SEC16A: variants seen among roughly 807,000 people sequenced by gnomAD.
The protein encoded by SEC16A is protein transport protein Sec16A.
In SEC16A, 110 loss-of-function variants were observed where a neutral mutation model predicts 221.9. That is an observed-to-expected ratio of 0.50 (90% CI 0.42 to 0.58). The LOEUF is 0.58. Among genes scored for constraint, SEC16A ranks in the 20% least tolerant of loss-of-function variants. SEC16A has a pLI of 0.00. For missense variants in SEC16A, 3,165 were observed against 3,097.8 expected, an observed-to-expected ratio of 1.02 and a Z score of -0.52; for synonymous variants, 1,393 against 1,257.7, an observed-to-expected ratio of 1.11 and a Z score of -2.28.
chr9:136,462,833 G>C (rs1839675619), intron 12 of SEC16A, 54 bp downstream of exon 12: 5 of 1,576,950 alleles, frequency 3.2e-6, no homozygotes, highest in Non-Finnish European at 4.3e-6. Context: ...CCCCGCACCA[G>C]GCCCGACCCA....
Position 136,474,459 on chromosome 9 carries a change from C to T in SEC16A, c.3157G>A (p.Gly1053Ser). The change falls in exon 3 of 32, where the codon GGC becomes AGC. Residue 1053 changes from glycine (G) to serine (S), a missense_variant. Coordinates refer to ENST00000684901, the MANE Select transcript of SEC16A (RefSeq NM_014866.2). ...QVTKDAQGQP[G>S]LERAQQELVP... ...AGCTCCTGCTGGGCTCTTTCGAGGC[C>T]AGGCTGGCCCTGGGCATCTTTCGTG... The T allele has an allele frequency of 6.2e-7, 1 of 1,613,072 alleles. No individual in the cohort carries two copies. The highest frequency in any genetic ancestry group is 8.5e-7 in the Non-Finnish European group (1 of 1,179,890).
intron 23 of SEC16A, among the ~76,000 whole-genome samples, chr9:136,450,517 C>G (rs968357446): frequency 2.6e-5 from 4 of 152,052 alleles, no homozygotes; most frequent in African/African-American, 9.7e-5. Flanking sequence ...TGAACAAGCA[C>G]TGCCCCAAAA....
intron 23 of SEC16A, among the ~76,000 whole-genome samples, chr9:136,450,332 G>C (rs1355128547): frequency 6.6e-6 from 1 of 152,230 alleles, no homozygotes; most frequent in East Asian, 1.9e-4. Flanking sequence ...AAGGACTCCT[G>C]CAAGTCCTGA....
Position 136,457,584 on chromosome 9 carries a change from C to T in SEC16A, c.5410G>A (p.Val1804Met). ...CGGCAGGAGTAGATGAACTTAAACA[C>T]CTGAAACGACAGAAGCCTTGCTGCC... ...AETCPLPSFQ[V>M]FKFIYSCRLA... The change falls in exon 18 of 32, where the codon GTG (valine) becomes ATG (methionine). Residue 1804 changes from valine to methionine, a missense_variant and splice_region_variant. Around this residue, in one of 3 missense-constraint regions of SEC16A, gnomAD observed 1,088 missense variants for 1,089.6 expected, o/e 1.00. Coordinates refer to ENST00000684901, the MANE Select transcript of SEC16A (RefSeq NM_014866.2). 6.2e-7 allele frequency: 1 copy of T among 1,607,962 alleles called. No homozygotes were observed.
rs778025630 is a variant in SEC16A at position 136,453,530 on chromosome 9, C to CA, written c.6077-21dup. On this transcript the variant is annotated intron_variant, in intron 21 of 31. Coordinates refer to ENST00000684901, the MANE Select transcript of SEC16A (RefSeq NM_014866.2). ...CTATCCCTGTCAACGGGAAAGAGAG[C>CA]AACTATGATCTCAGTCACGAGAAGG... The CA allele has an allele frequency of 3.1e-6, 5 of 1,595,186 alleles. No individual in the cohort carries two copies. The highest frequency in any genetic ancestry group is 1.7e-4 in the Middle Eastern group (1 of 6,024).
upstream of SEC16A, among the ~76,000 whole-genome samples, chr9:136,483,214 C>T (rs566934758): frequency 6.3e-3 from 845 of 135,028 alleles, 9 homozygotes; most frequent in African/African-American, 0.022. Context: ...CCCGCCTCAT[C>T]CCTCTGTCCC....
intron 1 of SEC16A, among the ~76,000 whole-genome samples, chr9:136,479,690 C>T (rs753809690): frequency 2.0e-5 from 3 of 152,096 alleles, no homozygotes; most frequent in Admixed American, 2.0e-4. Context: ...ATTTTGGTCT[C>T]TTGGAAATCT....
chr9:136,450,459 G>C lies in SEC16A; in HGVS notation c.6312+797C>G, dbSNP rs369588646. 3.2e-4 allele frequency among the ~76,000 whole-genome samples: 49 copies of C among 151,690 alleles called. No homozygotes were observed. The East Asian group carries it at 8.5e-3, about 26-fold the overall frequency. ...GAGTTTGAGACCAGCCTGGGCAATA[G>C]TGAGACCCCATCTTTATGGGGGAAA... On this transcript the variant is annotated intron_variant, in intron 23 of 31. Coordinates refer to ENST00000684901, the MANE Select transcript of SEC16A (RefSeq NM_014866.2).
Position 136,466,868 on chromosome 9 carries a change from CTT to C in SEC16A, c.3929+87_3929+88del. Reference sequence around the variant, plus strand: ...GATGCTCACCCAAACTACCACAGCTCTTTGTTAAAACCCAGACATGAGGGCAG... The same window carrying C: ...GATGCTCACCCAAACTACCACAGCTCTGTTAAAACCCAGACATGAGGGCAG... On this transcript the variant is annotated intron_variant, in intron 6 of 31. Coordinates refer to ENST00000684901, the MANE Select transcript of SEC16A (RefSeq NM_014866.2). This position sits in a 1 kb window ranked among gnomAD's most constrained non-coding sequence, Gnocchi z 5.5. The C allele has an allele frequency of 6.8e-7, 1 of 1,463,082 alleles. No homozygotes were observed. The highest frequency in any genetic ancestry group is 9.1e-7 in the Non-Finnish European group (1 of 1,094,608). The allele number at this position is 1,463,082 out of a possible 1,614,324, so 90.6% of individuals were successfully genotyped here.
At chr9:136,471,871 C>A in intron 4 of SEC16A, 104 bp downstream of exon 4, 1 of 1,346,738 alleles carries the variant, frequency 7.4e-7, no homozygotes, top group Non-Finnish European at 1.0e-6. Context: ...TACAATTCTT[C>A]AGAAATACAG....
intron 3 of SEC16A, among the ~76,000 whole-genome samples, chr9:136,473,477 C>T (rs1268892240): frequency 6.6e-6 from 1 of 152,250 alleles, no homozygotes; most frequent in Non-Finnish European, 1.5e-5. Flanking sequence ...GAAGAATCTT[C>T]TGCACGAGCA....
Position 136,466,903 on chromosome 9 carries a change from C to A in SEC16A, c.3929+54G>T. The stretch of plus-strand genomic sequence containing the variant: ...ACCCAGACATGAGGGCAGAGAAGCA[C>A]TAGCGCGCCCTGGCTGCCCCCAGCC... On this transcript the variant is annotated intron_variant, in intron 6 of 31. Coordinates refer to ENST00000684901, the MANE Select transcript of SEC16A (RefSeq NM_014866.2). This position sits in a 1 kb window ranked among gnomAD's most constrained non-coding sequence, Gnocchi z 5.5. 1 of 1,572,606 alleles carries A rather than the reference C, an allele frequency of 6.4e-7. No individual in the cohort carries two copies.
intron 13 of SEC16A, 78 bp from the exon 14 acceptor site, chr9:136,460,201 G>C: frequency 8.3e-7 from 1 of 1,198,750 alleles, no homozygotes; most frequent in Non-Finnish European, 1.2e-6. Flanking sequence ...GATGGCTCAC[G>C]CCTGTAATCC....
At chr9:136,444,739 G>C (rs778658401) in intron 30 of SEC16A, among the ~76,000 whole-genome samples, 1 of 152,034 alleles carries the variant, frequency 6.6e-6, no homozygotes, top group African/African-American at 2.4e-5. Flanking sequence ...TTAGCTGGGC[G>C]TGGTGGCTCA....
chr9:136,454,367 G>C, intron 20 of SEC16A, 40 bp from the exon 21 acceptor site: 1 of 1,531,338 alleles, frequency 6.5e-7, no homozygotes, highest in South Asian at 1.2e-5. Flanking sequence ...GGGTTACTGA[G>C]GGTAGCTTGA....
At position 136,462,815 on chromosome 9, in the gene SEC16A, G is replaced by A. The variant is rs138451669; in HGVS notation, c.4893+72C>T. On this transcript the variant is annotated intron_variant, in intron 12 of 31. Coordinates refer to ENST00000684901, the MANE Select transcript of SEC16A (RefSeq NM_014866.2). Reference sequence around the variant, plus strand: ...AGAGGGGGCCACGTCCCTCCCTGAAGGCTGCAACCCCGCACCAGGCCCGAC... The same window carrying A: ...AGAGGGGGCCACGTCCCTCCCTGAAAGCTGCAACCCCGCACCAGGCCCGAC... 937 of 1,540,542 alleles carry A rather than the reference G, an allele frequency of 6.1e-4. 1 individual carries two copies. Among genetic ancestry groups the A allele is most frequent in the Non-Finnish European group, 7.5e-4 (858 of 1,148,112 alleles).
At chr9:136,445,236 AGGG>A (rs1554798425) in intron 29 of SEC16A, 125 bp from the exon 30 acceptor site, 15 of 820,904 alleles carry the variant, frequency 1.8e-5, no homozygotes, top group Admixed American at 9.5e-5. Flanking sequence ...ATAACTCAAA[AGGG>A]AAAAAAAAGC....
intron 1 of SEC16A, among the ~76,000 whole-genome samples, chr9:136,481,990 CAAAG>C (rs766709068): frequency 2.6e-5 from 4 of 151,474 alleles, no homozygotes; most frequent in Non-Finnish European, 5.9e-5. Context: ...CAAAAAAAGA[CAAAG>C]AAAAAGAAAA....
chr9:136,455,588 C>T lies in SEC16A; in HGVS notation c.5857+13G>A, dbSNP rs1348566145. 7 of 1,543,878 alleles carry T rather than the reference C, an allele frequency of 4.5e-6. No individual in the cohort carries two copies. The East Asian group carries it at 1.2e-4, about 27-fold the overall frequency. ...GGCTTGTCTGAGGGCAGCAGCCGCG[C>T]ACCTGGGCTCACCTGAGGGCAGCAG... is the stretch of plus-strand genomic sequence containing the variant. On this transcript the variant is annotated intron_variant, in intron 20 of 31. Coordinates refer to ENST00000684901, the MANE Select transcript of SEC16A (RefSeq NM_014866.2).
Sources: allele counts gnomAD v4.1 joint callset (sites outside exome capture counted in the v4.1 genomes callset), GRCh38; gene constraint gnomAD v4.1.1; regional missense constraint gnomAD v4.1.1; non-coding constraint Gnocchi (gnomAD v3.1); transcripts MANE v1.5; gene names NCBI Gene and HGNC (gene_info 2026-07-23, HGNC 2026-07-21).